Variants in KIAA1328 observed in about 807,000 individuals in gnomAD.
KIAA1328 encodes protein hinderin.
Under a neutral mutation model 68.1 loss-of-function variants are expected in KIAA1328, and 52 were observed. The ratio of observed to expected loss-of-function variants is 0.76; its 90% CI spans 0.61 to 0.96. The LOEUF is 0.96. KIAA1328 is among the 40% of genes least tolerant of loss of function. The probability of loss-of-function intolerance (pLI) is 0.00; values close to 1 mark genes in which losing one functional copy is unlikely to be tolerated. For missense variants in KIAA1328, 641 were observed against 677.6 expected (o/e 0.95, Z 0.60); for synonymous variants, 232 against 239.4 (o/e 0.97, Z 0.28).
intron 1 of KIAA1328, chr18:36,834,088 T>C (rs2150762002): frequency 3.4e-6 from 2 of 593,688 alleles, no homozygotes; most frequent in East Asian, 8.1e-5. Context: ...TAGTTGTGAA[T>C]ATATAAAGGT....
In KIAA1328 at chr18:36,830,961, A is replaced by G. The variant is rs1022896760; in HGVS notation, c.58+1765A>G. The stretch of plus-strand genomic sequence containing the variant: ...TCAGATATTTTCATTTTAAATCTCC[A>G]TAGAGAATGTCACTGTAAGCAATGT... On this transcript the variant is annotated intron_variant, in intron 1 of 9. Coordinates refer to ENST00000280020, the MANE Select transcript of KIAA1328 (RefSeq NM_020776.3). 3.9e-5 allele frequency among the ~76,000 whole-genome samples: 6 copies of G among 152,230 alleles called. No homozygotes were observed. In the South Asian group the frequency reaches 1.2e-3, roughly 32 times the overall value.
chr18:37,003,754 G>C (rs965819355), intron 6 of KIAA1328, among the ~76,000 whole-genome samples: 1 of 152,066 alleles, frequency 6.6e-6, no homozygotes, highest in Non-Finnish European at 1.5e-5. Context: ...GTCTTGAGTT[G>C]ATTTTTGTAT....
intron 3 of KIAA1328, among the ~76,000 whole-genome samples, chr18:36,842,782 A>G (rs2046903213): frequency 6.6e-6 from 1 of 151,988 alleles, no homozygotes; most frequent in South Asian, 2.1e-4. Flanking sequence ...TCCATTGCCA[A>G]ATCCATTGCC....
chr18:37,087,940 G>A (rs879842601), intron 7 of KIAA1328, among the ~76,000 whole-genome samples: 4 of 152,116 alleles, frequency 2.6e-5, no homozygotes, highest in Non-Finnish European at 5.9e-5. Flanking sequence ...CTCTCCTGGG[G>A]GATAAACCTC....
At chr18:37,010,441 TAAAAAAAAAA>T (rs59927777) in intron 6 of KIAA1328, among the ~76,000 whole-genome samples, 31 of 90,316 alleles carry the variant, frequency 3.4e-4, no homozygotes, top group African/African-American at 1.3e-3. Flanking sequence ...AGACACCATC[TAAAAAAAAAA>T]AAAAAAAAAA....
At chr18:37,064,289 A>G (rs2056263357) in intron 6 of KIAA1328, among the ~76,000 whole-genome samples, 1 of 152,188 alleles carries the variant, frequency 6.6e-6, no homozygotes, top group South Asian at 2.1e-4. Flanking sequence ...TAATCACTGT[A>G]ATACCCTTCA....
downstream of KIAA1328, among the ~76,000 whole-genome samples, chr18:37,227,088 G>T (rs2060644439): frequency 6.6e-6 from 1 of 152,132 alleles, no homozygotes; most frequent in Non-Finnish European, 1.5e-5. Flanking sequence ...TTTTTGTATG[G>T]ACACTCCCTT....
chr18:37,145,206 C>CA (rs1227090213), intron 7 of KIAA1328, among the ~76,000 whole-genome samples: 1 of 149,260 alleles, frequency 6.7e-6, no homozygotes, highest in East Asian at 2.0e-4. Flanking sequence ...ATCAGTCTCA[C>CA]AAAAATAAAG....
intron 7 of KIAA1328, among the ~76,000 whole-genome samples, chr18:37,097,868 G>C (rs555439004): frequency 6.6e-5 from 10 of 151,836 alleles, no homozygotes; most frequent in South Asian, 2.1e-4. Context: ...TGATTTGGCT[G>C]TCTGTTTGTC....
chr18:37,094,824 A>T (rs1449728200), intron 7 of KIAA1328, among the ~76,000 whole-genome samples: 3 of 152,206 alleles, frequency 2.0e-5, no homozygotes, highest in Non-Finnish European at 4.4e-5. Context: ...TATGCAGCCT[A>T]CAAGAAAGTA....
chr18:37,215,047 G>C (rs528220815), intron 9 of KIAA1328, among the ~76,000 whole-genome samples: 12 of 152,216 alleles, frequency 7.9e-5, no homozygotes, highest in African/African-American at 2.2e-4. Flanking sequence ...AAGGAGATTT[G>C]GGGCTGAGAT....
At chr18:36,841,675 A>C (rs560043622) in intron 3 of KIAA1328, among the ~76,000 whole-genome samples, 5 of 152,318 alleles carry the variant, frequency 3.3e-5, no homozygotes, top group African/African-American at 1.2e-4. Context: ...ACTCTGCCAC[A>C]GTAGCATTAA....
chr18:37,068,347 A>T (rs1408915760), intron 7 of KIAA1328, among the ~76,000 whole-genome samples: 1 of 152,196 alleles, frequency 6.6e-6, no homozygotes, highest in Non-Finnish European at 1.5e-5. Context: ...GACCTGTTGA[A>T]TGATGAATTC....
intron 5 of KIAA1328, chr18:36,886,234 A>G (rs2150984853): frequency 6.6e-6 from 1 of 152,398 alleles, no homozygotes; most frequent in Middle Eastern, 3.4e-3. Flanking sequence ...AAAAAGGACA[A>G]GAAGAAATTT....
intron 5 of KIAA1328, among the ~76,000 whole-genome samples, chr18:36,938,738 C>G (rs968720957): frequency 6.6e-6 from 1 of 152,108 alleles, no homozygotes; most frequent in African/African-American, 2.4e-5. Flanking sequence ...AGTCTTTAAT[C>G]CATTTTAATT....
chr18:37,108,836 T>C lies in KIAA1328; in HGVS notation c.1232+41291T>C, dbSNP rs2057847284. On this transcript the variant is annotated intron_variant, in intron 7 of 9. Transcript: ENST00000280020. ...GGTACATGTGCACAATGTGCAGGTT[T>C]GTTACATAGGTATACATGTTACATG... Among the ~76,000 whole-genome samples, 5 of 152,342 alleles carry C rather than the reference T, an allele frequency of 3.3e-5. No individual in the cohort carries two copies. The South Asian group carries it at 8.3e-4, about 25-fold the overall frequency.
At chr18:36,960,580 C>T (rs1336250897) in intron 6 of KIAA1328, among the ~76,000 whole-genome samples, 1 of 152,150 alleles carries the variant, frequency 6.6e-6, no homozygotes, top group African/African-American at 2.4e-5. Context: ...CTCATACAGG[C>T]AGGTGCCCCT....
chr18:37,103,410 A>C (rs2057681486), intron 7 of KIAA1328, among the ~76,000 whole-genome samples: 1 of 152,188 alleles, frequency 6.6e-6, no homozygotes, highest in South Asian at 2.1e-4. Flanking sequence ...GGGGAAAGAC[A>C]GTCTTTTCAA....
intron 7 of KIAA1328, among the ~76,000 whole-genome samples, chr18:37,098,446 C>T (rs2057484721): frequency 6.6e-6 from 1 of 152,172 alleles, no homozygotes; most frequent in African/African-American, 2.4e-5. Flanking sequence ...GGTGGATAAG[C>T]TTTTTGATGT....
Sources: allele counts gnomAD v4.1 joint callset (sites outside exome capture counted in the v4.1 genomes callset), GRCh38; gene constraint gnomAD v4.1.1; transcripts MANE v1.5; gene names NCBI Gene and HGNC (gene_info 2026-07-23, HGNC 2026-07-21).